Variants in SLC67A1 observed in about 807,000 individuals in gnomAD.
The protein encoded by SLC67A1 is solute carrier family 67 member A1.
chr11:2,907,005 A>C, the SLC67A1 span, among the ~76,000 whole-genome samples: 1 of 152,066 alleles, frequency 6.6e-6, no homozygotes, highest in Non-Finnish European at 1.5e-5. This position sits in a 1 kb window ranked among gnomAD's most constrained non-coding sequence, Gnocchi z 6.7. Flanking sequence ...GCTCACAAAC[A>C]AAGGAGAGAT....
At chr11:2,901,242 A>G in the SLC67A1 span, among the ~76,000 whole-genome samples, 1 of 152,218 alleles carries the variant, frequency 6.6e-6, no homozygotes, top group African/African-American at 2.4e-5. Context: ...AACGAAGGGT[A>G]GCTGCTGAAC....
the SLC67A1 span, among the ~76,000 whole-genome samples, chr11:2,924,104 G>T: frequency 6.6e-6 from 1 of 152,224 alleles, no homozygotes; most frequent in African/African-American, 2.4e-5. The surrounding 1 kb of genome is among the most constrained non-coding windows in gnomAD (Gnocchi z 8.6). Flanking sequence ...CGCTTGGCGA[G>T]TGCTGCCCCC....
the SLC67A1 span, among the ~76,000 whole-genome samples, chr11:2,914,270 G>A: frequency 6.6e-6 from 1 of 152,172 alleles, no homozygotes; most frequent in Non-Finnish European, 1.5e-5. Context: ...GATGAGCCCC[G>A]GGAAGCCAGC....
the SLC67A1 span, among the ~76,000 whole-genome samples, chr11:2,910,509 T>G: frequency 6.6e-6 from 1 of 151,528 alleles, no homozygotes; most frequent in Non-Finnish European, 1.5e-5. Context: ...AGGCCCTGGG[T>G]GTGGAAGCCA....
At chr11:2,918,030 C>T in the SLC67A1 span, 3 of 1,613,578 alleles carry the variant, frequency 1.9e-6, no homozygotes, top group Non-Finnish European at 2.5e-6. Flanking sequence ...GCCATCGCCT[C>T]CCTGCTGCGG....
At chr11:2,914,847 C>T in the SLC67A1 span, 20 of 985,350 alleles carry the variant, frequency 2.0e-5, no homozygotes, top group Non-Finnish European at 2.4e-5. Context: ...AAGGGCCCGT[C>T]TCTCTGGGGC....
the SLC67A1 span, among the ~76,000 whole-genome samples, chr11:2,915,954 C>T: frequency 3.9e-5 from 6 of 152,214 alleles, no homozygotes; most frequent in East Asian, 1.9e-4. Context: ...GGGAAGCTGA[C>T]GGTACAGCCA....
chr11:2,922,140 C>T, the SLC67A1 span: 1 of 1,613,738 alleles, frequency 6.2e-7, no homozygotes, highest in African/African-American at 1.3e-5. Context: ...TGAGCAGCCA[C>T]TTCTCGGAGG....
the SLC67A1 span, chr11:2,909,165 G>A: frequency 1.4e-6 from 2 of 1,465,844 alleles, no homozygotes; most frequent in East Asian, 5.3e-5. Context: ...GACCGCCTCC[G>A]TGAGGGTCCG....
chr11:2,908,414 C>T, the SLC67A1 span: 3 of 1,020,614 alleles, frequency 2.9e-6, no homozygotes, highest in South Asian at 1.5e-5. Context: ...GGGCCAGGTT[C>T]CCTGACCCCA....
the SLC67A1 span, among the ~76,000 whole-genome samples, chr11:2,913,773 A>G: frequency 1.3e-5 from 2 of 152,302 alleles, no homozygotes; most frequent in South Asian, 4.1e-4. Flanking sequence ...CAGCAGGATG[A>G]CCTGGGCACA....
chr11:2,909,597 G>C, the SLC67A1 span: 297 of 1,530,562 alleles, frequency 1.9e-4, 1 homozygote, highest in East Asian at 6.3e-3. Flanking sequence ...TGGTCATCAC[G>C]GACCTGTCGG....
the SLC67A1 span, chr11:2,922,323 G>A: frequency 2.6e-6 from 4 of 1,524,844 alleles, no homozygotes; most frequent in African/African-American, 2.7e-5. Flanking sequence ...CCCACCCGGG[G>A]CCAGCTCTTC....
At chr11:2,911,374 G>A in the SLC67A1 span, among the ~76,000 whole-genome samples, 1 of 151,806 alleles carries the variant, frequency 6.6e-6, no homozygotes, top group Non-Finnish European at 1.5e-5. Flanking sequence ...TGGGGCTTAG[G>A]GCACTTGTGT....
At chr11:2,925,087 C>A in the SLC67A1 span, 1 of 1,613,842 alleles carries the variant, frequency 6.2e-7, no homozygotes, top group Non-Finnish European at 8.5e-7. This position sits in a 1 kb window ranked among gnomAD's most constrained non-coding sequence, Gnocchi z 6.5. Flanking sequence ...CCTCCTGTAC[C>A]GCAGCTTTGG....
At chr11:2,917,449 C>G in the SLC67A1 span, among the ~76,000 whole-genome samples, 2 of 152,122 alleles carry the variant, frequency 1.3e-5, no homozygotes, top group Non-Finnish European at 2.9e-5. Flanking sequence ...AGGCAGGAGC[C>G]CCTGAGACAA....
At chr11:2,909,769 C>G in the SLC67A1 span, 7 of 1,388,496 alleles carry the variant, frequency 5.0e-6, no homozygotes, top group Non-Finnish European at 6.5e-6. Flanking sequence ...CTGGGTCGGC[C>G]CCGCCCCGCC....
At chr11:2,922,531 C>G in the SLC67A1 span, 9 of 1,612,778 alleles carry the variant, frequency 5.6e-6, no homozygotes, top group South Asian at 9.9e-5. Context: ...GCATGCTGAT[C>G]AAGGCTGTCT....
chr11:2,921,489 T>C, the SLC67A1 span: 2 of 159,270 alleles, frequency 1.3e-5, no homozygotes, highest in Non-Finnish European at 2.8e-5. Flanking sequence ...ACGCCCTGCT[T>C]AGTGGAGGAG....
Sources: gnomAD v4.1 joint callset for allele counts (sites outside exome capture counted in the v4.1 genomes callset) on GRCh38, gnomAD v4.1.1 for gene constraint, Gnocchi (gnomAD v3.1) non-coding constraint, MANE v1.5 for transcripts, NCBI Gene and HGNC (gene_info 2026-07-23, HGNC 2026-07-21) for gene names.